PRKN: variants seen among roughly 807,000 people sequenced by gnomAD.
The protein encoded by PRKN is parkin RBR E3 ubiquitin protein ligase.
A neutral mutation model predicts 59.5 loss-of-function variants in PRKN; 56 were observed. The ratio of observed to expected loss-of-function variants is 0.94; its 90% CI spans 0.76 to 1.18. PRKN has a LOEUF of 1.18. Among genes scored for constraint, PRKN ranks in the 50% most tolerant of loss-of-function variants. The pLI is 0.00. For synonymous variants in PRKN, 250 were observed against 222.1 expected (o/e 1.13, Z -1.12); for missense variants, 657 against 596.4 (o/e 1.10, Z -1.06).
chr6:161,727,967 A>C (rs997461196), intron 7 of PRKN, among the ~76,000 whole-genome samples: 3 of 152,200 alleles, frequency 2.0e-5, no homozygotes, highest in Non-Finnish European at 2.9e-5. Flanking sequence ...ACAGATTTTA[A>C]AAATTAATAA....
chr6:162,633,137 TA>T (rs1052270667), intron 1 of PRKN, among the ~76,000 whole-genome samples: 237 of 147,460 alleles, frequency 1.6e-3, no homozygotes, highest in African/African-American at 5.0e-3. Flanking sequence ...GCTAAACCTT[TA>T]AAAAAAAAAA....
intron 7 of PRKN, among the ~76,000 whole-genome samples, chr6:161,777,776 T>C (rs1161674891): frequency 7.0e-6 from 1 of 142,556 alleles, no homozygotes; most frequent in Non-Finnish European, 1.5e-5. Context: ...TATATGTATA[T>C]ATGTATATGT....
chr6:162,480,849 A>G (rs752931968), intron 1 of PRKN, among the ~76,000 whole-genome samples: 1 of 152,002 alleles, frequency 6.6e-6, no homozygotes, highest in Non-Finnish European at 1.5e-5. Flanking sequence ...TCTGTCACCC[A>G]GCCTGGAGCG....
At chr6:161,631,187 G>A (rs988454442) in intron 7 of PRKN, among the ~76,000 whole-genome samples, 1 of 152,222 alleles carries the variant, frequency 6.6e-6, no homozygotes, top group African/African-American at 2.4e-5. Flanking sequence ...TGCCATGCAT[G>A]AGCTAGTGCT....
At chr6:161,669,290 A>C (rs1784827891) in intron 7 of PRKN, among the ~76,000 whole-genome samples, 1 of 152,204 alleles carries the variant, frequency 6.6e-6, no homozygotes, top group Non-Finnish European at 1.5e-5. Flanking sequence ...AAGTTTTATT[A>C]TAGCAGCCTG....
chr6:162,261,077 T>G (rs547757426), intron 3 of PRKN, among the ~76,000 whole-genome samples: 44 of 152,204 alleles, frequency 2.9e-4, no homozygotes, highest in African/African-American at 9.4e-4. Flanking sequence ...AATACCATCT[T>G]CAATGGCAAA....
At chr6:161,689,812 G>A (rs1036278481) in intron 7 of PRKN, among the ~76,000 whole-genome samples, 1 of 152,102 alleles carries the variant, frequency 6.6e-6, no homozygotes, top group African/African-American at 2.4e-5. Flanking sequence ...CCAGGTTCAA[G>A]TGATTCTCCT....
Position 161,460,645 on chromosome 6 carries a change from C to T in PRKN, c.1084-73768G>A, listed in dbSNP as rs140066008. 8.3e-4 allele frequency among the ~76,000 whole-genome samples: 127 copies of T among 152,210 alleles called. No homozygotes were observed. The highest frequency in any genetic ancestry group is 2.0e-3 in the Admixed American group (30 of 15,286). On this transcript the variant is annotated intron_variant, in intron 9 of 11. Coordinates refer to ENST00000366898, the MANE Select transcript of PRKN (RefSeq NM_004562.3). The surrounding 1 kb of genome is among the most constrained non-coding windows in gnomAD (Gnocchi z 5.0). Reference sequence around the variant, plus strand: ...GCTGAAGAAGACACAACTTCATCGCCGTGAGCATGACTTCCAGGGATGTCC... The same window carrying T: ...GCTGAAGAAGACACAACTTCATCGCTGTGAGCATGACTTCCAGGGATGTCC...
chr6:162,007,868 C>A (rs1158071782), intron 5 of PRKN, among the ~76,000 whole-genome samples: 1 of 152,004 alleles, frequency 6.6e-6, no homozygotes, highest in Non-Finnish European at 1.5e-5. Context: ...AATATACATC[C>A]AAAACAACCA....
intron 9 of PRKN, among the ~76,000 whole-genome samples, chr6:161,430,688 G>A (rs528804053): frequency 2.5e-4 from 38 of 151,436 alleles, no homozygotes; most frequent in Admixed American, 6.6e-4. Context: ...AGTGGCGGGC[G>A]CCTGTAGTCC....
chr6:161,481,473 G>A (rs955101386), intron 9 of PRKN, among the ~76,000 whole-genome samples: 20 of 151,976 alleles, frequency 1.3e-4, no homozygotes, highest in Admixed American at 6.6e-5. Flanking sequence ...GCATGGTGGC[G>A]TGTGCCTGTA....
intron 4 of PRKN, among the ~76,000 whole-genome samples, chr6:162,183,555 T>C (rs148626878): frequency 3.9e-5 from 6 of 152,178 alleles, no homozygotes; most frequent in South Asian, 2.1e-4. Flanking sequence ...CTCTGTCTTA[T>C]AAAAATCAAA....
At chr6:162,427,859 T>A (rs1789316717) in intron 2 of PRKN, among the ~76,000 whole-genome samples, 1 of 152,104 alleles carries the variant, frequency 6.6e-6, no homozygotes, top group African/African-American at 2.4e-5. Flanking sequence ...ATGTATTTTT[T>A]AAAGTATAAA....
At chr6:162,360,475 AGTT>A (rs1309685505) in intron 2 of PRKN, among the ~76,000 whole-genome samples, 3 of 152,238 alleles carry the variant, frequency 2.0e-5, no homozygotes, top group African/African-American at 7.2e-5. Context: ...ACCTTTATGT[AGTT>A]GTTTTTAGAT....
At chr6:162,449,038 C>T (rs2128169988) in intron 1 of PRKN, among the ~76,000 whole-genome samples, 1 of 152,136 alleles carries the variant, frequency 6.6e-6, no homozygotes, top group Middle Eastern at 3.4e-3. Flanking sequence ...CAGATGCCCA[C>T]CACCACACCC....
intron 4 of PRKN, among the ~76,000 whole-genome samples, chr6:162,133,853 A>AGTG (rs1178068068): frequency 9.2e-5 from 14 of 152,126 alleles, no homozygotes; most frequent in Non-Finnish European, 1.5e-4. Flanking sequence ...CGTTTTGAAG[A>AGTG]GTGGTAGGAG....
At chr6:162,649,816 C>T (rs764300154) in intron 1 of PRKN, among the ~76,000 whole-genome samples, 2 of 152,058 alleles carry the variant, frequency 1.3e-5, no homozygotes, top group Middle Eastern at 3.2e-3. Context: ...GTGATTAAGC[C>T]GAGCAGGGCT....
chr6:161,606,956 G>T (rs182285863), intron 7 of PRKN, among the ~76,000 whole-genome samples: 2 of 152,250 alleles, frequency 1.3e-5, no homozygotes, highest in East Asian at 1.9e-4. Context: ...GGCACAGCAT[G>T]GGGGGGAGAT....
At chr6:162,040,245 TG>T (rs1324049601) in intron 5 of PRKN, among the ~76,000 whole-genome samples, 1 of 152,124 alleles carries the variant, frequency 6.6e-6, no homozygotes, top group Non-Finnish European at 1.5e-5. Context: ...CAATGTTGTT[TG>T]GGGGCTGCTA....
Sources: gnomAD v4.1 joint callset for allele counts (sites outside exome capture counted in the v4.1 genomes callset) on GRCh38, gnomAD v4.1.1 for gene constraint, Gnocchi (gnomAD v3.1) non-coding constraint, MANE v1.5 for transcripts, NCBI Gene and HGNC (gene_info 2026-07-23, HGNC 2026-07-21) for gene names.